LHPP: variants seen among roughly 807,000 people sequenced by gnomAD.
The protein encoded by LHPP is phospholysine phosphohistidine inorganic pyrophosphate phosphatase.
LHPP carries 24 observed loss-of-function variants against 30.3 expected under a neutral mutation model. The ratio of observed to expected loss-of-function variants is 0.79; its 90% CI spans 0.57 to 1.11. LHPP has a LOEUF of 1.11. Among genes scored for constraint, LHPP ranks in the 50% most tolerant of loss-of-function variants. The pLI is 0.00. For synonymous variants in LHPP, 150 were observed against 157.1 expected (o/e 0.95, Z 0.34); for missense variants, 356 against 367.2 (o/e 0.97, Z 0.25).
intron 6 of LHPP, among the ~76,000 whole-genome samples, chr10:124,561,471 A>G (rs1248117967): frequency 6.6e-6 from 1 of 152,044 alleles, no homozygotes; most frequent in Non-Finnish European, 1.5e-5. Flanking sequence ...CTGGACGGGC[A>G]GCATCATACT....
chr10:124,566,079 C>T (rs1948485662), intron 6 of LHPP, among the ~76,000 whole-genome samples: 1 of 152,250 alleles, frequency 6.6e-6, no homozygotes, highest in South Asian at 2.1e-4. Context: ...GGGCAGTTGC[C>T]ATGCCACTCC....
chr10:124,468,536 A>G (rs1408627130), intron 1 of LHPP, among the ~76,000 whole-genome samples: 1 of 152,106 alleles, frequency 6.6e-6, no homozygotes, highest in Non-Finnish European at 1.5e-5. Flanking sequence ...TTCCCATGCC[A>G]TAGGACCAAG....
intron 1 of LHPP, among the ~76,000 whole-genome samples, chr10:124,475,751 C>T (rs1399087655): frequency 1.3e-5 from 2 of 152,056 alleles, no homozygotes; most frequent in Non-Finnish European, 2.9e-5. Context: ...CCTGCAGCCA[C>T]CATGGCCCTC....
intron 1 of LHPP, among the ~76,000 whole-genome samples, chr10:124,483,686 G>A (rs1204310002): frequency 1.3e-5 from 2 of 152,196 alleles, no homozygotes; most frequent in African/African-American, 4.8e-5. Context: ...GAATCTGGGA[G>A]GCGGAGGTTG....
intron 6 of LHPP, among the ~76,000 whole-genome samples, chr10:124,574,339 G>A (rs4962382): frequency 0.23 from 34,509 of 152,126 alleles, 4,236 homozygotes; most frequent in East Asian, 0.37. Flanking sequence ...CTGCGAGGGC[G>A]CGCACGGATT....
At chr10:124,501,325 G>A (rs1953890185) in intron 5 of LHPP, among the ~76,000 whole-genome samples, 1 of 151,740 alleles carries the variant, frequency 6.6e-6, no homozygotes, top group African/African-American at 2.4e-5. Flanking sequence ...AACTGGGCCG[G>A]GCACAGCAGC....
At chr10:124,579,943 AT>A (rs1339492409) in intron 6 of LHPP, among the ~76,000 whole-genome samples, 1 of 152,162 alleles carries the variant, frequency 6.6e-6, no homozygotes, top group Non-Finnish European at 1.5e-5. Context: ...GTATTGTGAG[AT>A]TTTTTTAAAC....
At chr10:124,567,800 G>A (rs573729810) in intron 6 of LHPP, among the ~76,000 whole-genome samples, 8 of 152,368 alleles carry the variant, frequency 5.3e-5, no homozygotes, top group South Asian at 2.1e-4. Context: ...ACACACATGC[G>A]CATGCATGCA....
At chr10:124,477,398 C>A (rs1401164704) in intron 1 of LHPP, among the ~76,000 whole-genome samples, 2 of 152,148 alleles carry the variant, frequency 1.3e-5, no homozygotes, top group Non-Finnish European at 2.9e-5. Flanking sequence ...TCCAGCACAC[C>A]AGGTGATGTC....
rs1948895643 is a variant in LHPP, at chr10:124,592,642, T to TGGAGCTGC, written c.717-20621_717-20614dup. Among the ~76,000 whole-genome samples, 1 of 152,148 alleles carries TGGAGCTGC rather than the reference T, an allele frequency of 6.6e-6. No individual in the cohort carries two copies. Among genetic ancestry groups the TGGAGCTGC allele is most frequent in the African/African-American group, 2.4e-5 (1 of 41,442 alleles). ...GCTGGTGCCCAGGAGGTGGGAGCTGTGGAGCTGCCTCCAGGCCTTCCCGGA... is the reference window on the plus strand; with the variant it reads ...GCTGGTGCCCAGGAGGTGGGAGCTGTGGAGCTGCGGAGCTGCCTCCAGGCCTTCCCGGA... On this transcript the variant is annotated intron_variant, in intron 6 of 6. Coordinates refer to ENST00000368842, the MANE Select transcript of LHPP (RefSeq NM_022126.4). The surrounding 1 kb of genome is among the most constrained non-coding windows in gnomAD (Gnocchi z 6.2).
intron 4 of LHPP, among the ~76,000 whole-genome samples, chr10:124,497,606 T>TCCTG (rs1223152742): frequency 2.0e-5 from 3 of 152,090 alleles, no homozygotes; most frequent in Non-Finnish European, 4.4e-5. Flanking sequence ...CTGCAGCCCC[T>TCCTG]CCTGCCTGCC....
In LHPP at chr10:124,551,763, C is replaced by G. The variant is rs865899479; in HGVS notation, c.716+34492C>G. On this transcript the variant is annotated intron_variant, in intron 6 of 6. Coordinates refer to ENST00000368842, the MANE Select transcript of LHPP (RefSeq NM_022126.4). ...CTGGGAGGGCAGTTCATGCAGGGCA[C>G]CCTCCCCTCCACCTGCCGGCCTTGG... Among the ~76,000 whole-genome samples, 60 of 152,256 alleles carry G rather than the reference C, an allele frequency of 3.9e-4. 1 individual carries two copies. Among genetic ancestry groups the G allele is most frequent in the African/African-American group, 1.3e-3 (53 of 41,552 alleles).
chr10:124,474,437 G>T (rs1413080783), intron 1 of LHPP, among the ~76,000 whole-genome samples: 1 of 152,048 alleles, frequency 6.6e-6, no homozygotes. Flanking sequence ...ACCGTGCCCG[G>T]CCATATGAAG....
chr10:124,471,235 A>T (rs1287143106), intron 1 of LHPP, among the ~76,000 whole-genome samples: 1 of 150,708 alleles, frequency 6.6e-6, no homozygotes, highest in African/African-American at 2.4e-5. Context: ...CTTGAATGCC[A>T]CCGCCCCACC....
At chr10:124,600,285 T>C (rs1298068060) in intron 6 of LHPP, among the ~76,000 whole-genome samples, 2 of 152,234 alleles carry the variant, frequency 1.3e-5, no homozygotes, top group Non-Finnish European at 2.9e-5. Context: ...TTGTTTCTGT[T>C]ACTGGCACCT....
chr10:124,521,853 G>A (rs907789212), intron 6 of LHPP, among the ~76,000 whole-genome samples: 1 of 151,978 alleles, frequency 6.6e-6, no homozygotes, highest in Non-Finnish European at 1.5e-5. Flanking sequence ...ACGCACACGT[G>A]CACGCACTTA....
chr10:124,520,378 C>T (rs1954579866), intron 6 of LHPP, among the ~76,000 whole-genome samples: 2 of 151,758 alleles, frequency 1.3e-5, no homozygotes, highest in South Asian at 2.1e-4. Flanking sequence ...CAGTGTAGTG[C>T]CGGGCACACA....
chr10:124,555,226 C>A (rs554839666), intron 6 of LHPP, among the ~76,000 whole-genome samples: 1 of 152,170 alleles, frequency 6.6e-6, no homozygotes, highest in Non-Finnish European at 1.5e-5. Flanking sequence ...TCCCTCAGCC[C>A]AGTAGTGGAG....
intron 6 of LHPP, among the ~76,000 whole-genome samples, chr10:124,557,242 C>T (rs534489648): frequency 2.0e-4 from 30 of 152,210 alleles, no homozygotes; most frequent in Non-Finnish European, 3.8e-4. Context: ...GAAGTTTGGA[C>T]GGCTGTGGTG....
Sources: gnomAD v4.1 joint callset for allele counts (sites outside exome capture counted in the v4.1 genomes callset) on GRCh38, gnomAD v4.1.1 for gene constraint, Gnocchi (gnomAD v3.1) non-coding constraint, MANE v1.5 for transcripts, NCBI Gene and HGNC (gene_info 2026-07-23, HGNC 2026-07-21) for gene names.